The following MICU1 variants were observed in gnomAD, a reference collection of about 807,000 sequenced individuals.
MICU1 encodes calcium uptake protein 1, mitochondrial.
Under a neutral mutation model 56.8 loss-of-function variants are expected in MICU1, and 45 were observed. The observed-to-expected ratio is 0.79, with a 90% CI of 0.62 to 1.02. MICU1 has a LOEUF of 1.02. Ranked by LOEUF, MICU1 falls within the 50% of genes least tolerant of loss-of-function variation. The pLI is 0.00. For missense variants in MICU1, 504 were observed against 587.1 expected (o/e 0.86, Z 1.46); for synonymous variants, 186 against 195.1 (o/e 0.95, Z 0.39).
At chr10:72,455,264 AG>A (rs1421889645) in intron 8 of MICU1, among the ~76,000 whole-genome samples, 1 of 147,036 alleles carries the variant, frequency 6.8e-6, no homozygotes, top group African/African-American at 2.5e-5. Context: ...AGGCAGGAAA[AG>A]CTTGAACCCG....
intron 1 of MICU1, among the ~76,000 whole-genome samples, chr10:72,594,700 T>G (rs143569085): frequency 2.0e-3 from 298 of 151,886 alleles, no homozygotes; most frequent in African/African-American, 6.9e-3. Context: ...AGAGTTCAAG[T>G]CCAGCCTGGT....
At chr10:72,448,506 A>G (rs947999810) in intron 8 of MICU1, among the ~76,000 whole-genome samples, 3 of 152,060 alleles carry the variant, frequency 2.0e-5, no homozygotes, top group East Asian at 1.9e-4. Flanking sequence ...TAAACATTAC[A>G]TTGGAAAGTG....
chr10:72,522,382 G>A (rs993220396), intron 5 of MICU1, among the ~76,000 whole-genome samples: 1 of 151,982 alleles, frequency 6.6e-6, no homozygotes, highest in Non-Finnish European at 1.5e-5. Context: ...AAATCAAATG[G>A]GTTCATTGAT....
chr10:72,540,335 T>C (rs916008913), intron 4 of MICU1, among the ~76,000 whole-genome samples: 5 of 144,682 alleles, frequency 3.5e-5, no homozygotes, highest in African/African-American at 1.3e-4. Context: ...AGGGCACATA[T>C]AGGAGAATAT....
At chr10:72,558,120 A>T (rs1178807472) in intron 3 of MICU1, among the ~76,000 whole-genome samples, 2 of 152,220 alleles carry the variant, frequency 1.3e-5, no homozygotes, top group Admixed American at 6.5e-5. Context: ...GAGTCTAAAA[A>T]GCAGCAACGC....
rs1024495718 is a variant in MICU1 at position 72,512,114 on chromosome 10, T to G, written c.538-3845A>C. 2.2e-4 allele frequency among the ~76,000 whole-genome samples: 31 copies of G among 139,816 alleles called. 1 individual carries two copies. The highest frequency in any genetic ancestry group is 7.9e-4 in the African/African-American group (28 of 35,230). 91.7% of individuals were successfully genotyped at this position (139,816 alleles called of 152,430 possible). ...CATACACAGTTGTTTTTTGTTTTTTTTTTTTTTTTTTTTTTTGAGACGGAG... is the reference window on the plus strand; with the variant it reads ...CATACACAGTTGTTTTTTGTTTTTTGTTTTTTTTTTTTTTTTGAGACGGAG... On this transcript the variant is annotated intron_variant, in intron 5 of 11. Coordinates refer to ENST00000361114, the MANE Select transcript of MICU1 (RefSeq NM_001195518.2).
At chr10:72,492,164 TAA>T (rs1183276378) in intron 6 of MICU1, among the ~76,000 whole-genome samples, 1 of 152,106 alleles carries the variant, frequency 6.6e-6, no homozygotes, top group African/African-American at 2.4e-5. Flanking sequence ...CCACTGTAAA[TAA>T]AGACTTTGGC....
intron 1 of MICU1, among the ~76,000 whole-genome samples, chr10:72,578,436 T>TG (rs1840808542): frequency 6.7e-6 from 1 of 148,856 alleles, no homozygotes; most frequent in African/African-American, 2.5e-5. Flanking sequence ...TTTTTTTTTT[T>TG]GTATTTTTAG....
chr10:72,535,538 T>C (rs1219782494), intron 4 of MICU1, among the ~76,000 whole-genome samples: 2 of 152,132 alleles, frequency 1.3e-5, no homozygotes, highest in Non-Finnish European at 2.9e-5. Context: ...GCAGAAACTT[T>C]CTCATAACTA....
intron 8 of MICU1, among the ~76,000 whole-genome samples, chr10:72,428,700 A>C (rs1310354978): frequency 1.3e-5 from 2 of 152,240 alleles, no homozygotes; most frequent in African/African-American, 2.4e-5. Context: ...CACAACAGTC[A>C]GACCAGGGAA....
chr10:72,524,713 G>A, intron 5 of MICU1: 1 of 1,231,240 alleles, frequency 8.1e-7, no homozygotes, highest in African/African-American at 1.6e-5. Flanking sequence ...GTAATTTAAA[G>A]CACATGCTGC....
intron 5 of MICU1, among the ~76,000 whole-genome samples, chr10:72,514,866 A>G (rs896092806): frequency 1.3e-5 from 2 of 152,156 alleles, no homozygotes; most frequent in African/African-American, 4.8e-5. Flanking sequence ...AGCATTTCAA[A>G]TCACTTGTTC....
rs144043650 is a variant in MICU1 at position 72,383,920 on chromosome 10, C to T, written c.1181-8048G>A. ...CTCCTGATTCTCCCGCCTCAGCCTC[C>T]CTAGTAACTGGGACTACAGGTGTGG... On this transcript the variant is annotated intron_variant, in intron 10 of 11. Transcript: ENST00000361114. Among the ~76,000 whole-genome samples the T allele has an allele frequency of 6.0e-3, 911 of 151,204 alleles. 9 individuals are homozygous for T. Among genetic ancestry groups the T allele is most frequent in the African/African-American group, 0.021 (857 of 41,182 alleles).
At chr10:72,563,821 C>A (rs1405890007) in intron 2 of MICU1, among the ~76,000 whole-genome samples, 1 of 152,128 alleles carries the variant, frequency 6.6e-6, no homozygotes, top group Non-Finnish European at 1.5e-5. Context: ...CCTCCTTGTT[C>A]TTCATCTCAC....
chr10:72,540,135 C>A (rs1318422307), intron 4 of MICU1, among the ~76,000 whole-genome samples: 1 of 151,908 alleles, frequency 6.6e-6, no homozygotes, highest in Non-Finnish European at 1.5e-5. Flanking sequence ...GGCATGGTGG[C>A]GCATGCCTGT....
chr10:72,489,292 A>T (rs1589271050), intron 6 of MICU1, among the ~76,000 whole-genome samples: 1 of 24,504 alleles, frequency 4.1e-5, no homozygotes, highest in Non-Finnish European at 1.1e-4. Context: ...AGACTCTGTC[A>T]CACACACACA....
At chr10:72,427,991 G>C (rs774576854) in intron 8 of MICU1, among the ~76,000 whole-genome samples, 1 of 151,952 alleles carries the variant, frequency 6.6e-6, no homozygotes, top group Non-Finnish European at 1.5e-5. Context: ...AAACCTACCC[G>C]GTGAGCATGA....
At chr10:72,567,146 G>C (rs1255066304) in intron 1 of MICU1, among the ~76,000 whole-genome samples, 1 of 151,950 alleles carries the variant, frequency 6.6e-6, no homozygotes, top group Non-Finnish European at 1.5e-5. Context: ...CCCAGGAGTT[G>C]AAGAACGGCC....
At chr10:72,474,334 T>C (rs552326696) in intron 8 of MICU1, among the ~76,000 whole-genome samples, 1 of 149,374 alleles carries the variant, frequency 6.7e-6, no homozygotes, top group South Asian at 2.1e-4. Context: ...AGAGAATTTT[T>C]AAAAATGTCA....
Sources: gnomAD v4.1 joint callset for allele counts (sites outside exome capture counted in the v4.1 genomes callset) on GRCh38, gnomAD v4.1.1 for gene constraint, MANE v1.5 for transcripts, NCBI Gene and HGNC (gene_info 2026-07-23, HGNC 2026-07-21) for gene names.